GRTP1: variants seen among roughly 807,000 people sequenced by gnomAD.
The protein encoded by GRTP1 is growth hormone regulated TBC protein 1.
GRTP1 carries 56 observed loss-of-function variants against 38.1 expected under a neutral mutation model. That is an observed-to-expected ratio of 1.47 (90% CI 1.19 to 1.84). The LOEUF (loss-of-function observed/expected upper bound fraction) is 1.84. Among genes scored for constraint, GRTP1 ranks in the 40% most tolerant of loss-of-function variants. The pLI is 0.00. For synonymous variants in GRTP1, 217 were observed against 189.5 expected (o/e 1.14, Z -1.19); for missense variants, 506 against 453.9 (o/e 1.11, Z -1.04).
At chr13:113,334,988 A>C (rs552697527) in intron 5 of GRTP1, among the ~76,000 whole-genome samples, 2 of 151,596 alleles carry the variant, frequency 1.3e-5, no homozygotes, top group Non-Finnish European at 2.9e-5. Flanking sequence ...ACGCCCGGCT[A>C]ATTTTTTGTA....
intron 5 of GRTP1, among the ~76,000 whole-genome samples, chr13:113,326,299 G>A (rs1449830930): frequency 1.3e-5 from 2 of 150,164 alleles, no homozygotes; most frequent in Non-Finnish European, 2.9e-5. Flanking sequence ...CTTTCAGGAC[G>A]TCCCTGAGGC....
At chr13:113,340,706 G>A (rs1246327482) in intron 5 of GRTP1, among the ~76,000 whole-genome samples, 1 of 151,982 alleles carries the variant, frequency 6.6e-6, no homozygotes, top group Non-Finnish European at 1.5e-5. Flanking sequence ...CGTGAACCCG[G>A]GAGGCGGAGC....
rs908794540 is a variant in GRTP1, at chr13:113,343,418, C to T, written c.562+1445G>A. Among the ~76,000 whole-genome samples the T allele has an allele frequency of 6.6e-6, 1 of 152,188 alleles. No individual in the cohort carries two copies. On this transcript the variant is annotated intron_variant, in intron 5 of 7. Coordinates refer to ENST00000375431, the MANE Select transcript of GRTP1 (RefSeq NM_024719.4). The surrounding 1 kb of genome is among the most constrained non-coding windows in gnomAD (Gnocchi z 4.8). ...TCTGTGGGGTTCCCTTCCTCTGGGG[C>T]GGCTCCGTCAGGCTGGTCTCTGGCA...
At chr13:113,334,280 A>ACTGCCTCCCCCC (rs1202504022) in intron 5 of GRTP1, among the ~76,000 whole-genome samples, 17 of 142,568 alleles carry the variant, frequency 1.2e-4, no homozygotes, top group Non-Finnish European at 1.4e-4. Context: ...CACTGCCACG[A>ACTGCCTCCCCCC]CAGCCTCCCG....
intron 3 of GRTP1, among the ~76,000 whole-genome samples, chr13:113,354,529 A>AT (rs368158711): frequency 0.015 from 2,112 of 145,208 alleles, 40 homozygotes; most frequent in African/African-American, 0.033. Context: ...AGGTTAACCA[A>AT]TATTTTTTTT....
intron 2 of GRTP1, among the ~76,000 whole-genome samples, chr13:113,361,175 T>A (rs1306846950): frequency 9.6e-4 from 73 of 76,202 alleles, no homozygotes; most frequent in African/African-American, 1.3e-3. Flanking sequence ...AAAAACAAAA[T>A]GAAATTTTTA....
rs1462255219 is a variant in GRTP1, at chr13:113,349,744, G to C, written c.465+1105C>G. Among the ~76,000 whole-genome samples, 1 of 152,172 alleles carries C rather than the reference G, an allele frequency of 6.6e-6. No individual in the cohort carries two copies. Among genetic ancestry groups the C allele is most frequent in the African/African-American group, 2.4e-5 (1 of 41,438 alleles). On this transcript the variant is annotated intron_variant, in intron 4 of 7. Transcript: ENST00000375431. The surrounding 1 kb of genome is among the most constrained non-coding windows in gnomAD (Gnocchi z 5.0). ...TCCTCGGGAGCATTCACTCTGCCAGGTGCCAGGCCCAGGGCTGTCCAGGCA... is the reference window on the plus strand; with the variant it reads ...TCCTCGGGAGCATTCACTCTGCCAGCTGCCAGGCCCAGGGCTGTCCAGGCA...
rs895737459 is a variant in GRTP1 at position 113,324,382 on chromosome 13, A to C, written c.*106T>G. 39 of 1,383,942 alleles carry C rather than the reference A, an allele frequency of 2.8e-5. No homozygotes were observed. Among genetic ancestry groups the C allele is most frequent in the Non-Finnish European group, 3.6e-5 (38 of 1,063,614 alleles). The allele number at this position is 1,383,942 out of a possible 1,614,324, so 85.7% of individuals were successfully genotyped here. A position where few individuals can be genotyped will look rare whatever the true frequency, so the allele number is the denominator to read the frequency against. On this transcript the variant is annotated 3_prime_UTR_variant, in exon 8 of 8. Coordinates refer to ENST00000375431, the MANE Select transcript of GRTP1 (RefSeq NM_024719.4). ...TTCACAACTAAAGTGTAGTGATGTCAAGTATTTACAACACTAAAAAGGAAA... is the reference window on the plus strand; with the variant it reads ...TTCACAACTAAAGTGTAGTGATGTCCAGTATTTACAACACTAAAAAGGAAA...
intron 3 of GRTP1, among the ~76,000 whole-genome samples, chr13:113,352,260 A>ATATTTAT (rs2043284229): frequency 1.6e-5 from 1 of 62,724 alleles, no homozygotes; most frequent in Non-Finnish European, 2.9e-5. Flanking sequence ...ATATTTATAT[A>ATATTTAT]TTTTTATATT....
At position 113,324,568 on chromosome 13, in the gene GRTP1, A is replaced by G. The variant is rs2042731284; in HGVS notation, c.931T>C (p.Ser311Pro). 2 of 1,608,030 alleles carry G rather than the reference A, an allele frequency of 1.2e-6. No individual in the cohort carries two copies. The highest frequency in any genetic ancestry group is 1.7e-6 in the Non-Finnish European group (2 of 1,177,408). The part of the protein sequence containing the change: ...ECHTFMQKIF[S>P]EPGSLSMATV... ...GCCATGGATAAGCTTCCAGGTTCTG[A>G]AAATATTTTCTGGAAGGCAAACAGT... The change falls in exon 8 of 8, where the codon TCA becomes CCA. Residue 311 changes from serine to proline, a missense_variant. Physicochemically the swap from Ser to Pro is moderately conservative, Grantham distance 74. Coordinates refer to ENST00000375431, the MANE Select transcript of GRTP1 (RefSeq NM_024719.4).
intron 3 of GRTP1, 115 bp from the exon 4 acceptor site, chr13:113,351,088 T>A: frequency 7.3e-7 from 1 of 1,370,050 alleles, no homozygotes; most frequent in Non-Finnish European, 1.0e-6. Context: ...GGACTGGTTT[T>A]CACCCTGGCC....
At chr13:113,327,661 C>T (rs760343980) in intron 5 of GRTP1, among the ~76,000 whole-genome samples, 8 of 152,222 alleles carry the variant, frequency 5.3e-5, no homozygotes, top group African/African-American at 1.7e-4. Flanking sequence ...GGATTAAAAA[C>T]GCCTCCCTTC....
rs1220923459 is a variant in GRTP1 at position 113,325,119 on chromosome 13, C to T, written c.921+542G>A. The T allele has an allele frequency of 1.8e-5, 18 of 1,016,400 alleles. No individual in the cohort carries two copies. The South Asian group carries it at 4.2e-4, about 23-fold the overall frequency. 63.0% of individuals were successfully genotyped at this position (1,016,400 alleles called of 1,614,324 possible). Reference sequence around the variant, plus strand: ...TGCTGGGACTGCAGGCGTGAGCCACCGCGCCCGGCCAACATGGTCTTCTCT... The same window carrying T: ...TGCTGGGACTGCAGGCGTGAGCCACTGCGCCCGGCCAACATGGTCTTCTCT... On this transcript the variant is annotated intron_variant, in intron 7 of 7. Transcript: ENST00000375431.
chr13:113,325,817 A>G lies in GRTP1; in HGVS notation c.765T>C (p.Phe255=). Residue 255 remains phenylalanine, a synonymous_variant, in exon 7 of 8, where the codon TTT becomes TTC. Transcript: ENST00000375431. ...GGAAGATAATCTTCGAGCCTTCGTT[A>G]AACAAACAGTCCCAGATCCGAAGCA... The part of the protein sequence containing the change: ...ETVLRIWDCL[F]NEGSKIIFRV... The G allele has an allele frequency of 6.2e-7, 1 of 1,613,656 alleles. No homozygotes were observed. The highest frequency in any genetic ancestry group is 1.3e-5 in the African/African-American group (1 of 75,034).
At position 113,355,589 on chromosome 13, in the gene GRTP1, A is replaced by G. The variant is rs879097408; in HGVS notation, c.182-108T>C. On this transcript the variant is annotated intron_variant, in intron 2 of 7. Transcript: ENST00000375431. ...CACCAGTTCTCTTCTTAAATCAAAT[A>G]TTAAAGAGACCCAGAACTTCGTCCA... 1.0e-5 allele frequency: 13 copies of G among 1,302,478 alleles called. No individual in the cohort carries two copies. In the South Asian group the frequency reaches 2.2e-4, roughly 22 times the overall value. The allele number at this position is 1,302,478 out of a possible 1,614,324, so 80.7% of individuals were successfully genotyped here.
chr13:113,362,969 G>A (rs1004203144), intron 2 of GRTP1, among the ~76,000 whole-genome samples: 1 of 152,208 alleles, frequency 6.6e-6, no homozygotes, highest in African/African-American at 2.4e-5. Flanking sequence ...CACTGCCCCA[G>A]GTTCTGAGGA....
At chr13:113,346,218 GTGGCTGAGAACA>G (rs1440006836) in intron 4 of GRTP1, among the ~76,000 whole-genome samples, 5 of 132,576 alleles carry the variant, frequency 3.8e-5, no homozygotes, top group African/African-American at 5.7e-5. Flanking sequence ...GAGGACCTCT[GTGGCTGAGAACA>G]GACCCGGGAG....
At chr13:113,326,443 G>A (rs2042775034) in intron 5 of GRTP1, among the ~76,000 whole-genome samples, 1 of 149,202 alleles carries the variant, frequency 6.7e-6, no homozygotes, top group African/African-American at 2.5e-5. Context: ...GCCGAGGCGG[G>A]TGGATCACCT....
chr13:113,338,197 C>T lies in GRTP1; in HGVS notation c.562+6666G>A, dbSNP rs748172823. Among the ~76,000 whole-genome samples the T allele has an allele frequency of 3.5e-4, 54 of 152,170 alleles. 1 individual carries two copies. The highest frequency in any genetic ancestry group is 6.5e-5 in the Admixed American group (1 of 15,278). ...CGGGGAGCGGCGTCTGCACCTTCTTCCTGCGTCCTTTCCATGCCTTGTTGG... is the reference window on the plus strand; with the variant it reads ...CGGGGAGCGGCGTCTGCACCTTCTTTCTGCGTCCTTTCCATGCCTTGTTGG... On this transcript the variant is annotated intron_variant, in intron 5 of 7. Coordinates refer to ENST00000375431, the MANE Select transcript of GRTP1 (RefSeq NM_024719.4).
Sources: gnomAD v4.1 joint callset for allele counts (sites outside exome capture counted in the v4.1 genomes callset) on GRCh38, gnomAD v4.1.1 for gene constraint, Gnocchi (gnomAD v3.1) non-coding constraint, MANE v1.5 for transcripts, NCBI Gene and HGNC (gene_info 2026-07-23, HGNC 2026-07-21) for gene names.